Variants in MTA3 observed in about 807,000 individuals in gnomAD.
MTA3 encodes metastasis-associated protein MTA3.
MTA3 carries 34 observed loss-of-function variants against 83.5 expected under a neutral mutation model. The ratio of observed to expected loss-of-function variants is 0.41; its 90% CI spans 0.31 to 0.54. The LOEUF (loss-of-function observed/expected upper bound fraction) is 0.54. Ranked by LOEUF, MTA3 falls within the 20% of genes least tolerant of loss-of-function variation. The pLI is 0.33. For synonymous variants in MTA3, 303 were observed against 252.7 expected, an observed-to-expected ratio of 1.20 and a Z score of -1.89; for missense variants, 761 against 726.4, an observed-to-expected ratio of 1.05 and a Z score of -0.55.
chr2:42,545,400 A>T (rs114075952), intron 2 of MTA3, among the ~76,000 whole-genome samples: 1 of 152,102 alleles, frequency 6.6e-6, no homozygotes, highest in Non-Finnish European at 1.5e-5. Flanking sequence ...AGAAGAAGAA[A>T]AAAAAAGGAA....
At position 42,511,020 on chromosome 2, in the gene MTA3, T is replaced by G. The variant is rs138322118; in HGVS notation, c.-141+15766T>G. Among the ~76,000 whole-genome samples the G allele has an allele frequency of 7.9e-5, 12 of 152,310 alleles. No homozygotes were observed. In the East Asian group the frequency reaches 1.9e-3, roughly 25 times the overall value. On this transcript the variant is annotated intron_variant, in intron 2 of 17. Transcript: ENST00000405592. ...AGTTAGCTTTCAAAAACACCTGCTGTTCTTACCCTTCTGTCCCTCTAACAA... is the reference window on the plus strand; with the variant it reads ...AGTTAGCTTTCAAAAACACCTGCTGGTCTTACCCTTCTGTCCCTCTAACAA...
chr2:42,710,639 G>C (rs1292966901), intron 14 of MTA3, among the ~76,000 whole-genome samples: 1 of 150,984 alleles, frequency 6.6e-6, no homozygotes, highest in Non-Finnish European at 1.5e-5. Flanking sequence ...ATGTATATTT[G>C]AGAGTTTAGG....
chr2:42,697,309 A>T (rs543839593), intron 10 of MTA3, among the ~76,000 whole-genome samples: 1 of 152,214 alleles, frequency 6.6e-6, no homozygotes, highest in East Asian at 1.9e-4. Context: ...ATTTAGTTCT[A>T]CTTAGAATAG....
chr2:42,702,794 A>G (rs1305561125), intron 11 of MTA3: 1 of 152,292 alleles, frequency 6.6e-6, no homozygotes, highest in East Asian at 1.9e-4. Flanking sequence ...GGCACGGTTT[A>G]TAAGCAGCGG....
chr2:42,588,031 C>A (rs1276636000), intron 3 of MTA3, among the ~76,000 whole-genome samples: 2 of 151,910 alleles, frequency 1.3e-5, no homozygotes, highest in Non-Finnish European at 2.9e-5. Context: ...AACATTTTTC[C>A]TTGGATTTTT....
At chr2:42,509,342 C>G (rs1674791618) in intron 2 of MTA3, among the ~76,000 whole-genome samples, 1 of 152,060 alleles carries the variant, frequency 6.6e-6, no homozygotes, top group Non-Finnish European at 1.5e-5. Flanking sequence ...TGCGCCTGGC[C>G]TCACCTGTTA....
At chr2:42,527,151 C>T (rs1675752448) in intron 2 of MTA3, among the ~76,000 whole-genome samples, 1 of 147,554 alleles carries the variant, frequency 6.8e-6, no homozygotes, top group Admixed American at 6.8e-5. Context: ...ACTTCTTTAA[C>T]TTTGGGACTT....
intron 4 of MTA3, among the ~76,000 whole-genome samples, chr2:42,622,278 C>T (rs889469034): frequency 7.3e-5 from 11 of 151,386 alleles, no homozygotes; most frequent in Non-Finnish European, 1.2e-4. Context: ...TGGCGGCGCG[C>T]GCCTGCAATC....
At chr2:42,552,269 A>T (rs745920335) in intron 2 of MTA3, among the ~76,000 whole-genome samples, 1 of 152,198 alleles carries the variant, frequency 6.6e-6, no homozygotes, top group Non-Finnish European at 1.5e-5. Flanking sequence ...AAAGAGATAA[A>T]GGCCACAGCC....
intron 16 of MTA3, among the ~76,000 whole-genome samples, chr2:42,725,367 C>G (rs1667734841): frequency 6.6e-6 from 1 of 152,230 alleles, no homozygotes; most frequent in African/African-American, 2.4e-5. Flanking sequence ...TCAGAATCTT[C>G]TCGTTTAACC....
intron 2 of MTA3, among the ~76,000 whole-genome samples, chr2:42,516,826 C>A (rs1291340466): frequency 6.6e-6 from 1 of 152,132 alleles, no homozygotes; most frequent in Non-Finnish European, 1.5e-5. Context: ...AATAATGAAG[C>A]ATGAAAATGC....
intron 14 of MTA3, chr2:42,709,382 G>A (rs1666407618): frequency 2.8e-6 from 3 of 1,070,928 alleles, no homozygotes; most frequent in Non-Finnish European, 3.6e-6. Context: ...GTTTTGTGAT[G>A]GAATTGCCTG....
intron 8 of MTA3, among the ~76,000 whole-genome samples, chr2:42,669,510 G>T (rs760155005): frequency 2.6e-5 from 4 of 152,118 alleles, no homozygotes; most frequent in Non-Finnish European, 4.4e-5. Context: ...CTTATCACGG[G>T]TACTGTTCAT....
intron 6 of MTA3, among the ~76,000 whole-genome samples, chr2:42,644,524 T>C (rs1306438291): frequency 6.6e-6 from 1 of 152,192 alleles, no homozygotes; most frequent in African/African-American, 2.4e-5. Flanking sequence ...GGCCAGCACT[T>C]CCAATTTTAG....
chr2:42,646,709 T>C (rs1438320717), intron 6 of MTA3, among the ~76,000 whole-genome samples: 1 of 152,206 alleles, frequency 6.6e-6, no homozygotes, highest in Non-Finnish European at 1.5e-5. Flanking sequence ...TCGATTCTTA[T>C]GGATGAGCAA....
At chr2:42,647,878 G>T (rs1470229790) in intron 6 of MTA3, among the ~76,000 whole-genome samples, 3 of 152,112 alleles carry the variant, frequency 2.0e-5, no homozygotes, top group African/African-American at 7.2e-5. Flanking sequence ...CGCTCTTGTT[G>T]CCCAGGCTGG....
At chr2:42,681,456 G>C (rs1173625094) in intron 8 of MTA3, among the ~76,000 whole-genome samples, 1 of 152,118 alleles carries the variant, frequency 6.6e-6, no homozygotes, top group Non-Finnish European at 1.5e-5. Context: ...CCCTGGTCAA[G>C]AATGGCTGTG....
chr2:42,744,254 A>G (rs2104589756), intron 16 of MTA3, among the ~76,000 whole-genome samples: 1 of 152,334 alleles, frequency 6.6e-6, no homozygotes, highest in South Asian at 2.1e-4. Flanking sequence ...ATAAGTAGTC[A>G]ACAACTTAGT....
Position 42,549,623 on chromosome 2 carries a change from A to G in MTA3, c.-140-20814A>G, listed in dbSNP as rs190667364. On this transcript the variant is annotated intron_variant, in intron 2 of 17. Coordinates refer to the MTA3 transcript ENST00000405592. Reference sequence around the variant, plus strand: ...ATACATATATAATATATAATATATTATATACATATACATATATAATATATA... The same window carrying G: ...ATACATATATAATATATAATATATTGTATACATATACATATATAATATATA... 2.3e-3 allele frequency among the ~76,000 whole-genome samples: 273 copies of G among 119,850 alleles called. 2 individuals carry two copies. Among genetic ancestry groups the G allele is most frequent in the Middle Eastern group, 7.7e-3 (2 of 260 alleles). 78.6% of individuals were successfully genotyped at this position (119,850 alleles called of 152,430 possible).
Sources: allele counts gnomAD v4.1 joint callset (sites outside exome capture counted in the v4.1 genomes callset), GRCh38; gene constraint gnomAD v4.1.1; transcripts MANE v1.5; gene names NCBI Gene and HGNC (gene_info 2026-07-23, HGNC 2026-07-21).